The following TNFRSF19 variants were observed in gnomAD, a reference collection of about 807,000 sequenced individuals.
The protein encoded by TNFRSF19 is tumor necrosis factor receptor superfamily member 19.
In TNFRSF19, 27 loss-of-function variants were observed where a neutral mutation model predicts 46.4. The ratio of observed to expected loss-of-function variants is 0.58; its 90% CI spans 0.43 to 0.80. The LOEUF (loss-of-function observed/expected upper bound fraction) is 0.80, where lower values mean the gene tolerates loss of function less well. TNFRSF19 is among the 30% of genes least tolerant of loss of function. The probability of loss-of-function intolerance (pLI) is 0.00; values close to 1 mark genes in which losing one functional copy is unlikely to be tolerated. For synonymous variants in TNFRSF19, 204 were observed against 205.0 expected, an observed-to-expected ratio of 1.00 and a Z score of 0.04; for missense variants, 511 against 530.8, an observed-to-expected ratio of 0.96 and a Z score of 0.37.
intron 5 of TNFRSF19, among the ~76,000 whole-genome samples, chr13:23,639,142 C>T (rs964284339): frequency 8.5e-5 from 13 of 152,060 alleles, no homozygotes; most frequent in African/African-American, 2.9e-4. Context: ...TCTGTAATTC[C>T]AGCACTTTGG....
chr13:23,633,311 T>C (rs1882470198), intron 5 of TNFRSF19, among the ~76,000 whole-genome samples: 1 of 152,112 alleles, frequency 6.6e-6, no homozygotes, highest in Admixed American at 6.5e-5. Flanking sequence ...TGAGGTTGAA[T>C]TCCTGAGCTC....
chr13:23,590,977 A>G (rs1208522176), intron 2 of TNFRSF19, among the ~76,000 whole-genome samples: 3 of 152,224 alleles, frequency 2.0e-5, no homozygotes, highest in African/African-American at 7.2e-5. Flanking sequence ...ATAGTTGTTT[A>G]TATTCTTCTT....
Position 23,606,798 on chromosome 13 carries a change from A to G in TNFRSF19, c.181-9069A>G, listed in dbSNP as rs527883865. 7.2e-5 allele frequency among the ~76,000 whole-genome samples: 11 copies of G among 152,288 alleles called. No individual in the cohort carries two copies. In the South Asian group the frequency reaches 2.3e-3, roughly 32 times the overall value. On this transcript the variant is annotated intron_variant, in intron 3 of 9. Coordinates refer to ENST00000248484, the MANE Select transcript of TNFRSF19 (RefSeq NM_148957.4). ...GATACACAAATGAAAACATAAATAT[A>G]TTTTTATTTTCCACCCCACTTAACT... is the stretch of plus-strand genomic sequence containing the variant.
intron 5 of TNFRSF19, 76 bp from the exon 6 acceptor site, chr13:23,658,974 G>C: frequency 6.3e-7 from 1 of 1,595,050 alleles, no homozygotes; most frequent in Non-Finnish European, 8.5e-7. Context: ...CACTGGTAAG[G>C]GTGCCTGCCA....
At chr13:23,616,079 T>A in intron 4 of TNFRSF19, 34 bp downstream of exon 4, 1 of 1,554,224 alleles carries the variant, frequency 6.4e-7, no homozygotes, top group Non-Finnish European at 8.7e-7. Flanking sequence ...TTGTAATTAT[T>A]TAATTAAGTA....
At chr13:23,576,362 A>C (rs1268342128) in intron 1 of TNFRSF19, among the ~76,000 whole-genome samples, 2 of 152,006 alleles carry the variant, frequency 1.3e-5, no homozygotes, top group Non-Finnish European at 2.9e-5. Flanking sequence ...CAAACTCCTG[A>C]CCTCAGGTGA....
In TNFRSF19 at chr13:23,623,203, A is replaced by G. The variant is rs146077085; in HGVS notation, c.360-3504A>G. Among the ~76,000 whole-genome samples, 356 of 152,316 alleles carry G rather than the reference A, an allele frequency of 2.3e-3. 1 individual carries two copies. The highest frequency in any genetic ancestry group is 8.3e-3 in the African/African-American group (345 of 41,564). The stretch of plus-strand genomic sequence containing the variant: ...GTACCTCATGTAATTGGAGTCATTC[A>G]GTATCTGTCTTTTTATGACAGGCTT... On this transcript the variant is annotated intron_variant, in intron 4 of 9. Transcript: ENST00000248484.
At chr13:23,663,211 G>C (rs143369761) in intron 7 of TNFRSF19, among the ~76,000 whole-genome samples, 2,843 of 152,238 alleles carry the variant, frequency 0.019, 27 homozygotes, top group African/African-American at 0.025. Flanking sequence ...AGTTTATTGA[G>C]AGTTTTTAAC....
At chr13:23,605,781 A>T (rs1244472703) in intron 3 of TNFRSF19, among the ~76,000 whole-genome samples, 1 of 152,236 alleles carries the variant, frequency 6.6e-6, no homozygotes, top group Non-Finnish European at 1.5e-5. Flanking sequence ...CAGTAAAAAG[A>T]TCACTGGTTG....
chr13:23,617,909 C>CT (rs768926678), intron 4 of TNFRSF19, among the ~76,000 whole-genome samples: 1 of 152,158 alleles, frequency 6.6e-6, no homozygotes, highest in African/African-American at 2.4e-5. Flanking sequence ...ACAAAAGACT[C>CT]TAACTGGATC....
chr13:23,629,086 CT>C (rs11389906), intron 5 of TNFRSF19, among the ~76,000 whole-genome samples: 524 of 142,314 alleles, frequency 3.7e-3, no homozygotes, highest in Non-Finnish European at 3.7e-3. Context: ...CCACTTTGGG[CT>C]TTTTTTTTTT....
intron 7 of TNFRSF19, among the ~76,000 whole-genome samples, chr13:23,661,896 C>A (rs1438067466): frequency 6.6e-6 from 1 of 151,158 alleles, no homozygotes; most frequent in African/African-American, 2.4e-5. Flanking sequence ...GGTTGTTTTT[C>A]TCTTGTAAAT....
rs572161389 is a variant in TNFRSF19 at position 23,661,298 on chromosome 13, G to A, written c.736+808G>A. ...TATAAGTGAGAACATGTGGTATTTGGTTTTCTGTTCCCGCCTTAGTTTACT... is the reference window on the plus strand; with the variant it reads ...TATAAGTGAGAACATGTGGTATTTGATTTTCTGTTCCCGCCTTAGTTTACT... On this transcript the variant is annotated intron_variant, in intron 7 of 9. Coordinates refer to ENST00000248484, the MANE Select transcript of TNFRSF19 (RefSeq NM_148957.4). 2.0e-5 allele frequency among the ~76,000 whole-genome samples: 3 copies of A among 152,236 alleles called. No homozygotes were observed. In the East Asian group the frequency reaches 5.8e-4, roughly 29 times the overall value.
intron 3 of TNFRSF19, among the ~76,000 whole-genome samples, chr13:23,608,053 A>G (rs1319758666): frequency 6.6e-6 from 1 of 152,136 alleles, no homozygotes; most frequent in African/African-American, 2.4e-5. Context: ...GTATTCCTGG[A>G]TACAGTCTAC....
intron 1 of TNFRSF19, among the ~76,000 whole-genome samples, chr13:23,579,891 C>T (rs756855511): frequency 1.2e-4 from 18 of 151,956 alleles, no homozygotes; most frequent in Non-Finnish European, 2.2e-4. Context: ...GACCCGGCCC[C>T]GGCGCCCGCC....
intron 9 of TNFRSF19, among the ~76,000 whole-genome samples, chr13:23,670,644 A>G (rs949305986): frequency 1.3e-5 from 2 of 152,210 alleles, no homozygotes; most frequent in African/African-American, 2.4e-5. Flanking sequence ...TCAAGAATGG[A>G]CTGTGCCCCA....
intron 1 of TNFRSF19, among the ~76,000 whole-genome samples, chr13:23,582,631 A>T (rs1306497209): frequency 6.6e-6 from 1 of 152,202 alleles, no homozygotes; most frequent in Non-Finnish European, 1.5e-5. Flanking sequence ...ATACTGTGAA[A>T]CTGCCAACAC....
chr13:23,649,011 A>G (rs1883484706), intron 5 of TNFRSF19, among the ~76,000 whole-genome samples: 1 of 152,150 alleles, frequency 6.6e-6, no homozygotes, highest in Admixed American at 6.5e-5. Flanking sequence ...CTCTATCTTT[A>G]TAAGGGATCT....
chr13:23,605,540 T>C (rs1296219640), intron 3 of TNFRSF19, among the ~76,000 whole-genome samples: 1 of 152,206 alleles, frequency 6.6e-6, no homozygotes, highest in Non-Finnish European at 1.5e-5. Flanking sequence ...TTGTTCATAA[T>C]TATGAAGACT....
Sources: allele counts gnomAD v4.1 joint callset (sites outside exome capture counted in the v4.1 genomes callset), GRCh38; gene constraint gnomAD v4.1.1; transcripts MANE v1.5; gene names NCBI Gene and HGNC (gene_info 2026-07-23, HGNC 2026-07-21).